The following DNM3 variants were observed in gnomAD, a reference collection of about 807,000 sequenced individuals.
DNM3 encodes the protein dynamin-3.
DNM3 carries 47 observed loss-of-function variants against 101.6 expected under a neutral mutation model. The observed-to-expected ratio is 0.46, with a 90% CI of 0.37 to 0.59. DNM3 has a LOEUF of 0.59. DNM3 is among the 20% of genes least tolerant of loss of function. The pLI is 0.00. For missense variants in DNM3, 849 were observed against 1,085.7 expected, an observed-to-expected ratio of 0.78 and a Z score of 3.06; for synonymous variants, 385 against 387.9, an observed-to-expected ratio of 0.99 and a Z score of 0.09.
chr1:172,143,798 A>G (rs180745110), intron 14 of DNM3, among the ~76,000 whole-genome samples: 10 of 152,254 alleles, frequency 6.6e-5, no homozygotes, highest in Non-Finnish European at 1.2e-4. Context: ...TGCTGACTCA[A>G]TAAGTTGTGG....
At chr1:171,948,946 C>T (rs545780450) in intron 2 of DNM3, among the ~76,000 whole-genome samples, 2 of 152,122 alleles carry the variant, frequency 1.3e-5, no homozygotes, top group Non-Finnish European at 2.9e-5. Flanking sequence ...GGAAGTGCCT[C>T]ATTTTATTTG....
chr1:171,940,331 T>C (rs2041727863), intron 2 of DNM3, among the ~76,000 whole-genome samples: 1 of 152,224 alleles, frequency 6.6e-6, no homozygotes, highest in Non-Finnish European at 1.5e-5. Context: ...ATTCATTTAT[T>C]CATTCATCTC....
chr1:171,859,316 T>G (rs1302655904), intron 1 of DNM3, among the ~76,000 whole-genome samples: 1 of 152,188 alleles, frequency 6.6e-6, no homozygotes, highest in Non-Finnish European at 1.5e-5. Flanking sequence ...CTAGGTTTCT[T>G]GTCCCTCTTC....
intron 17 of DNM3, among the ~76,000 whole-genome samples, chr1:172,348,026 A>G (rs1301364334): frequency 2.0e-5 from 3 of 152,072 alleles, no homozygotes; most frequent in African/African-American, 4.8e-5. Context: ...CTAAATATAG[A>G]TGCAATAAAA....
intron 1 of DNM3, among the ~76,000 whole-genome samples, chr1:171,906,209 C>T (rs554080425): frequency 1.3e-5 from 2 of 151,142 alleles, no homozygotes; most frequent in South Asian, 4.2e-4. Context: ...CTCATTGCGG[C>T]CTCGACTTCC....
At chr1:171,923,845 C>T (rs1218528310) in intron 2 of DNM3, among the ~76,000 whole-genome samples, 1 of 152,150 alleles carries the variant, frequency 6.6e-6, no homozygotes, top group Non-Finnish European at 1.5e-5. Context: ...ACTCTTCCCC[C>T]TTTTGGAGTT....
intron 14 of DNM3, among the ~76,000 whole-genome samples, chr1:172,241,542 A>G (rs2061749518): frequency 1.3e-5 from 2 of 152,122 alleles, no homozygotes; most frequent in Admixed American, 1.3e-4. Flanking sequence ...GTTTAAGTAG[A>G]AAATAATTTA....
intron 13 of DNM3, among the ~76,000 whole-genome samples, chr1:172,108,192 G>A (rs963731208): frequency 3.3e-5 from 5 of 151,964 alleles, no homozygotes; most frequent in Non-Finnish European, 5.9e-5. Flanking sequence ...ATATGTATAT[G>A]TCTTCTAATC....
intron 15 of DNM3, among the ~76,000 whole-genome samples, chr1:172,299,918 G>C (rs563480840): frequency 2.0e-5 from 3 of 152,228 alleles, no homozygotes; most frequent in Non-Finnish European, 2.9e-5. Context: ...GGAATTGCTG[G>C]GTCAAATGGT....
chr1:171,897,723 A>G (rs1007135558), intron 1 of DNM3, among the ~76,000 whole-genome samples: 7 of 152,186 alleles, frequency 4.6e-5, no homozygotes, highest in Non-Finnish European at 8.8e-5. Context: ...ATAACATTGA[A>G]CTTTCTTAAA....
intron 11 of DNM3, among the ~76,000 whole-genome samples, chr1:172,074,495 T>G (rs753326189): frequency 7.9e-5 from 12 of 151,678 alleles, no homozygotes; most frequent in Non-Finnish European, 1.6e-4. Context: ...GGCCCTGGTG[T>G]GTGATGCTCC....
In DNM3 at chr1:172,387,448, G is replaced by A. The variant is rs576839359; in HGVS notation, c.2285+89G>A. 4.1e-4 allele frequency: 429 copies of A among 1,054,238 alleles called. 2 individuals carry two copies. In the African/African-American group the frequency reaches 5.9e-3, roughly 14 times the overall value. 65.3% of individuals were successfully genotyped at this position (1,054,238 alleles called of 1,614,324 possible). On this transcript the variant is annotated intron_variant, in intron 19 of 20. Transcript: ENST00000627582. ...CGAGGCGGGCGGATCACGAGGTCAGGAGATCGAGACCATCCTGGCGAACAT... is the reference window on the plus strand; with the variant it reads ...CGAGGCGGGCGGATCACGAGGTCAGAAGATCGAGACCATCCTGGCGAACAT...
intron 2 of DNM3, among the ~76,000 whole-genome samples, chr1:171,945,173 A>G (rs939259261): frequency 2.0e-5 from 3 of 151,928 alleles, no homozygotes; most frequent in Non-Finnish European, 4.4e-5. Context: ...CCTGGCCTAT[A>G]TTAACGTTTT....
chr1:172,371,860 T>A lies in DNM3; in HGVS notation c.1894-7158T>A, dbSNP rs868582207. 2.7e-3 allele frequency among the ~76,000 whole-genome samples: 404 copies of A among 148,208 alleles called. 1 individual carries two copies. The highest frequency in any genetic ancestry group is 9.6e-3 in the African/African-American group (386 of 40,232). On this transcript the variant is annotated intron_variant, in intron 17 of 20. Transcript: ENST00000627582. ...TATTTTTATTTTTATTTTTATTTAT[T>A]TTTATTTTTATTTTTTATTTTTTTT...
At chr1:172,035,897 A>C (rs1425064359) in intron 6 of DNM3, among the ~76,000 whole-genome samples, 1 of 152,196 alleles carries the variant, frequency 6.6e-6, no homozygotes, top group Admixed American at 6.5e-5. Context: ...AGATTTATTT[A>C]ATAAATATAT....
chr1:172,030,484 G>A (rs186601063), intron 4 of DNM3, among the ~76,000 whole-genome samples: 3 of 152,012 alleles, frequency 2.0e-5, no homozygotes, highest in Admixed American at 1.3e-4. Context: ...TACCATTCAG[G>A]ACATGGGCAA....
chr1:171,979,207 G>C (rs1396819800), intron 2 of DNM3, among the ~76,000 whole-genome samples: 1 of 152,126 alleles, frequency 6.6e-6, no homozygotes, highest in Non-Finnish European at 1.5e-5. Flanking sequence ...ATGCTGCCAA[G>C]ACATAGAATA....
At chr1:172,046,688 T>A (rs1429151371) in intron 9 of DNM3, among the ~76,000 whole-genome samples, 1 of 152,170 alleles carries the variant, frequency 6.6e-6, no homozygotes, top group Non-Finnish European at 1.5e-5. Context: ...TCTAACGTTT[T>A]TTCTTTTACC....
chr1:172,117,288 G>A (rs1312994165), intron 13 of DNM3, among the ~76,000 whole-genome samples: 3 of 150,964 alleles, frequency 2.0e-5, no homozygotes, highest in South Asian at 2.1e-4. Flanking sequence ...TTTTTAAAAT[G>A]TGCATGGCTC....
Sources: gnomAD v4.1 joint callset for allele counts (sites outside exome capture counted in the v4.1 genomes callset) on GRCh38, gnomAD v4.1.1 for gene constraint, MANE v1.5 for transcripts, NCBI Gene and HGNC (gene_info 2026-07-23, HGNC 2026-07-21) for gene names.